PAK1: variants seen among roughly 807,000 people sequenced by gnomAD.
PAK1 encodes serine/threonine-protein kinase PAK 1.
In PAK1, 29 loss-of-function variants were observed where a neutral mutation model predicts 67.4. That is an observed-to-expected ratio of 0.43 (90% confidence interval 0.32 to 0.59). The LOEUF is 0.59. PAK1 is among the 20% of genes least tolerant of loss of function. The pLI is 0.07. For synonymous variants in PAK1, 223 were observed against 237.4 expected, an observed-to-expected ratio of 0.94 and a Z score of 0.56; for missense variants, 337 against 670.7, an observed-to-expected ratio of 0.50 and a Z score of 5.50.
chr11:77,326,012 T>C (rs1222008617), intron 14 of PAK1, among the ~76,000 whole-genome samples: 1 of 152,208 alleles, frequency 6.6e-6, no homozygotes, highest in Non-Finnish European at 1.5e-5. Flanking sequence ...TGCCCTGCCC[T>C]GCCCTGCCCT....
At chr11:77,371,512 G>A (rs894572830) in intron 5 of PAK1, among the ~76,000 whole-genome samples, 1 of 152,164 alleles carries the variant, frequency 6.6e-6, no homozygotes. Context: ...ATGCTCAGGA[G>A]AGCAGAATTT....
intron 1 of PAK1, among the ~76,000 whole-genome samples, chr11:77,415,819 C>G (rs1013524693): frequency 4.0e-5 from 6 of 151,802 alleles, no homozygotes; most frequent in Admixed American, 1.3e-4. Context: ...AATAAATTAA[C>G]CTTAACTTCC....
chr11:77,425,685 C>T (rs368325614), intron 1 of PAK1, among the ~76,000 whole-genome samples: 1 of 152,190 alleles, frequency 6.6e-6, no homozygotes, highest in South Asian at 2.1e-4. Flanking sequence ...AGCCTAGCAC[C>T]GTGTAAGGCA....
intron 2 of PAK1, among the ~76,000 whole-genome samples, chr11:77,387,447 T>C (rs1202963752): frequency 6.6e-6 from 1 of 152,222 alleles, no homozygotes; most frequent in Non-Finnish European, 1.5e-5. Flanking sequence ...GAGATAGTTA[T>C]GTTACAATGG....
At position 77,340,506 on chromosome 11, in the gene PAK1, T is replaced by C. The variant is rs1271569510; in HGVS notation, c.1116+140A>G. 4 of 674,110 alleles carry C rather than the reference T, an allele frequency of 5.9e-6. No homozygotes were observed. In the African/African-American group the frequency reaches 7.1e-5, roughly 12 times the overall value. 41.8% of individuals were successfully genotyped at this position (674,110 alleles called of 1,614,324 possible). A position where few individuals can be genotyped will look rare whatever the true frequency, so the allele number is the denominator to read the frequency against. ...ATAGAAATGACAAACACAGGTACAA[T>C]ACAGGAATGATAGCAGTGTCAGCAC... On this transcript the variant is annotated intron_variant, in intron 11 of 14. Transcript: ENST00000356341.
chr11:77,345,188 A>C (rs946768326), intron 9 of PAK1, among the ~76,000 whole-genome samples: 9 of 152,110 alleles, frequency 5.9e-5, no homozygotes, highest in African/African-American at 2.2e-4. Context: ...GTGTGTATTG[A>C]GAGGTTTGAG....
chr11:77,501,319 G>A, the PAK1 span, among the ~76,000 whole-genome samples: 2 of 152,136 alleles, frequency 1.3e-5, no homozygotes, highest in Admixed American at 1.3e-4. Context: ...TCTGCCAGAG[G>A]GGAGCTTCCC....
At chr11:77,374,153 G>A (rs1948796323) in intron 5 of PAK1, among the ~76,000 whole-genome samples, 175 bp downstream of exon 5, 1 of 152,058 alleles carries the variant, frequency 6.6e-6, no homozygotes, top group Non-Finnish European at 1.5e-5. Context: ...AGCTGAAAGG[G>A]ATACCCCCTA....
At chr11:77,393,076 CCA>C (rs1165073436) in intron 1 of PAK1, among the ~76,000 whole-genome samples, 1 of 151,940 alleles carries the variant, frequency 6.6e-6, no homozygotes, top group African/African-American at 2.4e-5. Flanking sequence ...TGGAACACAG[CCA>C]CACCCATTCA....
chr11:77,339,901 C>T (rs1212879133), intron 11 of PAK1, among the ~76,000 whole-genome samples: 1 of 151,912 alleles, frequency 6.6e-6, no homozygotes, highest in Admixed American at 6.6e-5. Context: ...TCCAGTCTGT[C>T]ATCAGCAAAA....
intron 2 of PAK1, among the ~76,000 whole-genome samples, chr11:77,387,866 C>G (rs537346362): frequency 1.3e-5 from 2 of 152,314 alleles, no homozygotes; most frequent in African/African-American, 4.8e-5. Context: ...GCATATACCA[C>G]TTCAAAGACT....
intron 4 of PAK1, among the ~76,000 whole-genome samples, chr11:77,375,506 A>G (rs1948979449): frequency 6.6e-6 from 1 of 152,184 alleles, no homozygotes; most frequent in African/African-American, 2.4e-5. Context: ...AGCAATTACC[A>G]TGTTTCACTG....
chr11:77,359,458 T>C (rs1005930096), intron 5 of PAK1, among the ~76,000 whole-genome samples: 2 of 152,212 alleles, frequency 1.3e-5, no homozygotes, highest in East Asian at 1.9e-4. Context: ...TCTCCTGATA[T>C]GGTAAATGGC....
rs994601881 is a variant in PAK1, at chr11:77,465,107, T to C, written c.-22+8445A>G. On this transcript the variant is annotated intron_variant, in intron 1 of 14. Coordinates refer to ENST00000356341, the MANE Select transcript of PAK1 (RefSeq NM_002576.5). ...ACCACATAGTCAACTAAGTCAATTA[T>C]CCGGCAAGTGGCAATGGATAGTAAA... Among the ~76,000 whole-genome samples the C allele has an allele frequency of 3.3e-5, 5 of 152,110 alleles. No homozygotes were observed. The East Asian group carries it at 9.6e-4, about 29-fold the overall frequency.
the PAK1 span, among the ~76,000 whole-genome samples, chr11:77,490,170 G>A: frequency 8.0e-5 from 12 of 150,258 alleles, no homozygotes; most frequent in Admixed American, 3.3e-4. Context: ...GAGACCCTCC[G>A]CCTGGCAACC....
chr11:77,459,636 A>T (rs1957229329), intron 1 of PAK1, among the ~76,000 whole-genome samples: 1 of 152,070 alleles, frequency 6.6e-6, no homozygotes, highest in South Asian at 2.1e-4. Flanking sequence ...TATAAATGCC[A>T]TCGCAGAAAA....
At chr11:77,425,883 C>T (rs1333469748) in intron 1 of PAK1, among the ~76,000 whole-genome samples, 2 of 152,042 alleles carry the variant, frequency 1.3e-5, no homozygotes, top group Non-Finnish European at 2.9e-5. Context: ...GCAGGGGGAT[C>T]GCTTGAGCCC....
chr11:77,488,524 G>A, the PAK1 span, among the ~76,000 whole-genome samples: 2 of 152,190 alleles, frequency 1.3e-5, no homozygotes, highest in East Asian at 3.9e-4. Flanking sequence ...GCTGTTTTGA[G>A]GAAACTCAGC....
At chr11:77,495,228 CT>C in the PAK1 span, among the ~76,000 whole-genome samples, 1 of 151,708 alleles carries the variant, frequency 6.6e-6, no homozygotes, top group African/African-American at 2.4e-5. Context: ...AATCCCAGCA[CT>C]TTGGGAGACC....
Sources: allele counts gnomAD v4.1 joint callset (sites outside exome capture counted in the v4.1 genomes callset), GRCh38; gene constraint gnomAD v4.1.1; transcripts MANE v1.5; gene names NCBI Gene and HGNC (gene_info 2026-07-23, HGNC 2026-07-21).